Variants in SPAG16 observed in about 807,000 individuals in gnomAD.
SPAG16 encodes sperm associated antigen 16.
Under a neutral mutation model 80.4 loss-of-function variants are expected in SPAG16, and 86 were observed. The ratio of observed to expected loss-of-function variants is 1.07; its 90% CI spans 0.90 to 1.28. The LOEUF is 1.28. Among genes scored for constraint, SPAG16 ranks in the 50% most tolerant of loss-of-function variants. SPAG16 has a pLI of 0.00. For missense variants in SPAG16, 870 were observed against 765.3 expected, an observed-to-expected ratio of 1.14 and a Z score of -1.61; for synonymous variants, 294 against 265.9, an observed-to-expected ratio of 1.11 and a Z score of -1.03.
intron 15 of SPAG16, among the ~76,000 whole-genome samples, chr2:214,312,848 T>G (rs1398014800): frequency 6.6e-6 from 1 of 152,158 alleles, no homozygotes; most frequent in Non-Finnish European, 1.5e-5. Context: ...GAATGGACTT[T>G]CCCTTTCTTG....
chr2:214,083,050 T>C (rs1284872383), intron 13 of SPAG16, among the ~76,000 whole-genome samples: 2 of 152,204 alleles, frequency 1.3e-5, no homozygotes, highest in African/African-American at 4.8e-5. Flanking sequence ...CTTTGACTTT[T>C]AAAAAATTAC....
intron 11 of SPAG16, among the ~76,000 whole-genome samples, chr2:213,871,632 A>G (rs143098486): frequency 3.4e-4 from 52 of 152,032 alleles, no homozygotes; most frequent in African/African-American, 9.7e-4. Flanking sequence ...GGTAAAGGCT[A>G]AGGCTAAGTT....
intron 15 of SPAG16, chr2:214,240,468 A>G (rs1199352334): frequency 1.3e-5 from 2 of 152,182 alleles, no homozygotes; most frequent in Non-Finnish European, 2.9e-5. Flanking sequence ...ATCTCCGTAA[A>G]GATATCTGAT....
At chr2:214,385,474 C>A (rs1340338874) in intron 15 of SPAG16, among the ~76,000 whole-genome samples, 1 of 152,122 alleles carries the variant, frequency 6.6e-6, no homozygotes, top group Non-Finnish European at 1.5e-5. Flanking sequence ...GACTCTAGAG[C>A]CTATGATCTT....
intron 10 of SPAG16, among the ~76,000 whole-genome samples, chr2:213,704,180 T>C (rs1320276897): frequency 6.6e-6 from 1 of 152,196 alleles, no homozygotes; most frequent in South Asian, 2.1e-4. Context: ...CAATATAACA[T>C]ACATCCTTAA....
intron 10 of SPAG16, among the ~76,000 whole-genome samples, chr2:213,508,583 GAA>G (rs61040316): frequency 2.1e-4 from 31 of 145,182 alleles, no homozygotes; most frequent in African/African-American, 7.0e-4. Context: ...CGTCTCAAAA[GAA>G]AAAAAAAAAT....
intron 15 of SPAG16, among the ~76,000 whole-genome samples, chr2:214,306,670 TCA>T (rs1694935903): frequency 6.6e-6 from 1 of 152,172 alleles, no homozygotes; most frequent in Admixed American, 6.5e-5. Flanking sequence ...ATGTGATAAA[TCA>T]CAGTTTCTTA....
intron 13 of SPAG16, among the ~76,000 whole-genome samples, chr2:214,082,426 T>C (rs1169238914): frequency 6.6e-6 from 1 of 152,228 alleles, no homozygotes; most frequent in African/African-American, 2.4e-5. Flanking sequence ...CGTTGACTCT[T>C]AATACTACTT....
chr2:213,297,224 G>C (rs1000373346), intron 2 of SPAG16, 38 bp from the exon 3 acceptor site: 3 of 1,529,152 alleles, frequency 2.0e-6, no homozygotes, highest in Non-Finnish European at 2.7e-6. Context: ...TTATATTTCT[G>C]CTCACTCTTC....
Position 213,862,501 on chromosome 2 carries a change from C to T in SPAG16, c.1087C>T (p.His363Tyr), listed in dbSNP as rs1387470754. 6.2e-7 allele frequency: 1 copy of T among 1,614,076 alleles called. No individual in the cohort carries two copies. The highest frequency in any genetic ancestry group is 8.5e-7 in the Non-Finnish European group (1 of 1,179,940). Residue 363 changes from histidine (H) to tyrosine (Y), a missense_variant, in exon 11 of 16, where the codon CAC (histidine) becomes TAC (tyrosine). His to Tyr is a moderately conservative substitution (Grantham distance 83). Transcript: ENST00000331683. ...CTCGCGCAGTGTCTCCATGCAACCC[C>T]ACAAAGACATCCTAGTCTCCTGTGG... is the stretch of plus-strand genomic sequence containing the variant. Reference protein sequence around the residue: ...LPVSCVSMQPHKDILVSCGED... With the variant: ...LPVSCVSMQPYKDILVSCGED...
At chr2:213,764,104 G>C (rs956048700) in intron 10 of SPAG16, among the ~76,000 whole-genome samples, 2 of 152,174 alleles carry the variant, frequency 1.3e-5, no homozygotes, top group African/African-American at 4.8e-5. Context: ...ATATTAGTTA[G>C]ATATCTTGTG....
At chr2:213,836,106 T>G (rs1001941504) in intron 10 of SPAG16, among the ~76,000 whole-genome samples, 65 of 151,676 alleles carry the variant, frequency 4.3e-4, no homozygotes, top group African/African-American at 1.5e-3. Context: ...GTGGACACAA[T>G]CAACTGGTAA....
At chr2:213,818,993 T>C (rs2072755711) in intron 10 of SPAG16, among the ~76,000 whole-genome samples, 1 of 151,894 alleles carries the variant, frequency 6.6e-6, no homozygotes, top group Admixed American at 6.6e-5. Flanking sequence ...TTCATAGCAG[T>C]GTGAAACCTG....
intron 7 of SPAG16, among the ~76,000 whole-genome samples, chr2:213,362,570 C>T (rs564533323): frequency 6.6e-6 from 1 of 152,274 alleles, no homozygotes; most frequent in African/African-American, 2.4e-5. Context: ...TAGCATGAAC[C>T]TATGATGTAA....
intron 10 of SPAG16, among the ~76,000 whole-genome samples, chr2:213,679,098 C>T (rs2064250254): frequency 6.6e-6 from 1 of 152,112 alleles, no homozygotes; most frequent in East Asian, 1.9e-4. Context: ...TGCAAATCAG[C>T]TCTTAAAAAT....
intron 10 of SPAG16, among the ~76,000 whole-genome samples, chr2:213,525,525 G>A (rs1202313174): frequency 1.3e-5 from 2 of 151,786 alleles, no homozygotes; most frequent in African/African-American, 4.8e-5. Flanking sequence ...CTGACCTTGT[G>A]ATCTACCCGC....
chr2:213,375,193 A>G (rs1575415731), intron 9 of SPAG16, 74 bp downstream of exon 9: 3 of 1,080,736 alleles, frequency 2.8e-6, no homozygotes, highest in East Asian at 5.2e-5. Context: ...CTCATATGGT[A>G]TCATTATTTT....
intron 10 of SPAG16, among the ~76,000 whole-genome samples, chr2:213,807,972 A>C (rs114380752): frequency 0.029 from 4,450 of 152,256 alleles, 210 homozygotes; most frequent in African/African-American, 0.1. Flanking sequence ...GGTGCCAAAT[A>C]TTCTGCCCAA....
chr2:213,525,284 C>CTTTTTTTT (rs71060436), intron 10 of SPAG16, among the ~76,000 whole-genome samples: 19 of 100,334 alleles, frequency 1.9e-4, no homozygotes, highest in Admixed American at 2.3e-4. Flanking sequence ...TTTTCCTTTT[C>CTTTTTTTT]TTTTTTTTTT....
Sources: allele counts gnomAD v4.1 joint callset (sites outside exome capture counted in the v4.1 genomes callset), GRCh38; gene constraint gnomAD v4.1.1; transcripts MANE v1.5; gene names NCBI Gene and HGNC (gene_info 2026-07-23, HGNC 2026-07-21).